Variants in RBFOX1 observed in about 807,000 individuals in gnomAD.
RBFOX1 encodes RNA binding fox-1 homolog 1.
Under a neutral mutation model 57.7 loss-of-function variants are expected in RBFOX1, and 8 were observed. The ratio of observed to expected loss-of-function variants is 0.14; its 90% confidence interval spans 0.08 to 0.25. RBFOX1 has a LOEUF of 0.25. Among genes scored for constraint, RBFOX1 ranks in the 10% least tolerant of loss-of-function variants. RBFOX1 has a pLI of 1.00. For synonymous variants in RBFOX1, 326 were observed against 222.4 expected, an observed-to-expected ratio of 1.47 and a Z score of -4.15; for missense variants, 611 against 548.5, an observed-to-expected ratio of 1.11 and a Z score of -1.14.
intron 4 of RBFOX1, among the ~76,000 whole-genome samples, chr16:7,517,138 CGTGT>C (rs200887129): frequency 0.3 from 39,308 of 129,588 alleles, 6,780 homozygotes; most frequent in Non-Finnish European, 0.39. Flanking sequence ...TTTCTTATGC[CGTGT>C]GTGTGTGTGT....
chr16:6,790,788 A>G (rs1023027182), intron 3 of RBFOX1, among the ~76,000 whole-genome samples: 2 of 152,206 alleles, frequency 1.3e-5, no homozygotes, highest in East Asian at 1.9e-4. Context: ...GGGAAATAGG[A>G]AAATAGTTCT....
At chr16:7,142,872 C>G (rs1412988314) in intron 4 of RBFOX1, among the ~76,000 whole-genome samples, 1 of 151,030 alleles carries the variant, frequency 6.6e-6, no homozygotes, top group African/African-American at 2.4e-5. Flanking sequence ...TATTTTTCTT[C>G]TCTTTTCCTT....
intron 3 of RBFOX1, among the ~76,000 whole-genome samples, chr16:5,842,841 C>T (rs559384129): frequency 6.6e-6 from 1 of 151,954 alleles, no homozygotes; most frequent in Non-Finnish European, 1.5e-5. Flanking sequence ...TATTTTGAGA[C>T]AGACTCTCGC....
chr16:5,675,686 A>C (rs2050146553), intron 3 of RBFOX1, among the ~76,000 whole-genome samples: 1 of 152,176 alleles, frequency 6.6e-6, no homozygotes, highest in African/African-American at 2.4e-5. Flanking sequence ...TGGATTTGCA[A>C]GGCTGTGCTG....
chr16:5,984,976 A>ATATTTTT (rs1359064334), intron 4 of RBFOX1, among the ~76,000 whole-genome samples: 7 of 55,714 alleles, frequency 1.3e-4, no homozygotes, highest in South Asian at 7.7e-4. Flanking sequence ...ATATATATAT[A>ATATTTTT]TTTTTTTTTT....
intron 3 of RBFOX1, among the ~76,000 whole-genome samples, chr16:5,802,996 T>C (rs79048422): frequency 0.028 from 4,266 of 152,236 alleles, 103 homozygotes; most frequent in East Asian, 0.1. Flanking sequence ...TGAGAATTCA[T>C]AGTTTAGAGA....
chr16:6,425,199 A>AT (rs1243835913), intron 2 of RBFOX1, among the ~76,000 whole-genome samples: 3 of 152,262 alleles, frequency 2.0e-5, no homozygotes, highest in Middle Eastern at 3.4e-3. Context: ...TCCTGGGTTG[A>AT]TTTTTTAGCC....
intron 3 of RBFOX1, among the ~76,000 whole-genome samples, chr16:5,613,153 G>A (rs1311743226): frequency 2.0e-5 from 3 of 152,190 alleles, no homozygotes; most frequent in African/African-American, 7.2e-5. Flanking sequence ...GCAGGGGACA[G>A]AATCACAGGG....
rs1244546896 is a variant in RBFOX1 at position 6,123,859 on chromosome 16, T to G, written c.-127+103867T>G. Among the ~76,000 whole-genome samples the G allele has an allele frequency of 1.3e-5, 2 of 152,196 alleles. 1 individual carries two copies. Among genetic ancestry groups the G allele is most frequent in the Non-Finnish European group, 2.9e-5 (2 of 68,036 alleles). On this transcript the variant is annotated intron_variant, in intron 1 of 15. Transcript: ENST00000550418. The stretch of plus-strand genomic sequence containing the variant: ...AGTGGAGGTTGCAGTGAGCTGAGAA[T>G]GTACCACTGCCTGGGCAACAGAGCG...
chr16:7,063,895 A>T (rs1262965534), intron 4 of RBFOX1, among the ~76,000 whole-genome samples: 1 of 152,216 alleles, frequency 6.6e-6, no homozygotes, highest in Non-Finnish European at 1.5e-5. Context: ...ACTCCATTTT[A>T]TATCAGAGAC....
chr16:5,985,660 C>T (rs1331547427), intron 4 of RBFOX1, among the ~76,000 whole-genome samples: 2 of 152,206 alleles, frequency 1.3e-5, no homozygotes, highest in African/African-American at 4.8e-5. Flanking sequence ...TAGTAGTACT[C>T]TTCCTCCATC....
chr16:5,713,571 C>G (rs1871055758), intron 3 of RBFOX1, among the ~76,000 whole-genome samples: 1 of 152,162 alleles, frequency 6.6e-6, no homozygotes, highest in African/African-American at 2.4e-5. Flanking sequence ...TCTAAAAGCC[C>G]AAACTAGTTG....
chr16:7,473,827 A>G (rs1054147773), intron 4 of RBFOX1, among the ~76,000 whole-genome samples: 7 of 152,126 alleles, frequency 4.6e-5, no homozygotes, highest in African/African-American at 7.2e-5. Flanking sequence ...CTTCATAGAC[A>G]ATTCTAGTGA....
chr16:6,819,874 G>A (rs1258776644), intron 3 of RBFOX1, among the ~76,000 whole-genome samples: 1 of 152,106 alleles, frequency 6.6e-6, no homozygotes, highest in Non-Finnish European at 1.5e-5. Context: ...TACAATGTAA[G>A]TGCTTTCCTC....
chr16:5,781,645 G>C (rs1327100107), intron 3 of RBFOX1, among the ~76,000 whole-genome samples: 4 of 152,258 alleles, frequency 2.6e-5, no homozygotes, highest in Admixed American at 2.6e-4. Flanking sequence ...GTACACAAAT[G>C]GATGTGGCTG....
At chr16:6,642,456 T>G (rs922528993) in intron 2 of RBFOX1, among the ~76,000 whole-genome samples, 11 of 152,110 alleles carry the variant, frequency 7.2e-5, no homozygotes, top group African/African-American at 2.4e-4. Flanking sequence ...GAAACAGGGA[T>G]GCCGTTCTCG....
intron 2 of RBFOX1, among the ~76,000 whole-genome samples, chr16:6,385,298 G>T (rs2092173381): frequency 6.6e-6 from 1 of 152,172 alleles, no homozygotes; most frequent in Non-Finnish European, 1.5e-5. Context: ...CTACGTCCCA[G>T]CTGTGCCCAT....
At chr16:6,142,759 C>T (rs967401858) in intron 1 of RBFOX1, among the ~76,000 whole-genome samples, 21 of 152,144 alleles carry the variant, frequency 1.4e-4, no homozygotes, top group African/African-American at 4.8e-4. Flanking sequence ...CTAAATTGTT[C>T]CATATTTTCC....
intron 1 of RBFOX1, among the ~76,000 whole-genome samples, chr16:5,297,432 G>A (rs979338373): frequency 4.6e-5 from 7 of 152,024 alleles, no homozygotes; most frequent in Non-Finnish European, 7.4e-5. Context: ...TATCATAGTC[G>A]TTCTAATAGG....
Sources: allele counts gnomAD v4.1 joint callset (sites outside exome capture counted in the v4.1 genomes callset), GRCh38; gene constraint gnomAD v4.1.1; transcripts MANE v1.5; gene names NCBI Gene and HGNC (gene_info 2026-07-23, HGNC 2026-07-21).